ADGRF5: variants seen among roughly 807,000 people sequenced by gnomAD.
The protein encoded by ADGRF5 is adhesion G protein-coupled receptor F5.
A neutral mutation model predicts 132.3 loss-of-function variants in ADGRF5; 75 were observed. The ratio of observed to expected loss-of-function variants is 0.57; its 90% CI spans 0.47 to 0.69. The LOEUF (loss-of-function observed/expected upper bound fraction) is 0.69. ADGRF5 is among the 30% of genes least tolerant of loss of function. The pLI is 0.00. For missense variants in ADGRF5, 1,516 were observed against 1,630.6 expected (o/e 0.93, Z 1.21); for synonymous variants, 629 against 597.6 (o/e 1.05, Z -0.77).
At chr6:46,862,575 TAAGA>T (rs1769887656) in intron 15 of ADGRF5, among the ~76,000 whole-genome samples, 2 of 151,620 alleles carry the variant, frequency 1.3e-5, no homozygotes, top group Admixed American at 1.3e-4. Flanking sequence ...AGGAGAGCAA[TAAGA>T]GAGAGGATAA....
At chr6:46,874,452 T>A (rs995366965) in intron 10 of ADGRF5, among the ~76,000 whole-genome samples, 5 of 152,124 alleles carry the variant, frequency 3.3e-5, no homozygotes, top group Admixed American at 2.6e-4. Context: ...ACAGAAATAA[T>A]GATAGTGTGC....
rs536538037 is a variant in ADGRF5, at chr6:46,913,787, G to A, written c.-24-7001C>T. Among the ~76,000 whole-genome samples the A allele has an allele frequency of 2.6e-5, 4 of 152,296 alleles. No individual in the cohort carries two copies. In the East Asian group the frequency reaches 5.8e-4, roughly 22 times the overall value. ...CACATGTAAGCTGCTTAGCTTTCAC[G>A]TCCACGCAGTAGGTGATGTTATACG... On this transcript the variant is annotated intron_variant, in intron 1 of 20. Transcript: ENST00000283296.
intron 1 of ADGRF5, among the ~76,000 whole-genome samples, chr6:46,931,669 G>T (rs191790087): frequency 3.6e-4 from 55 of 152,242 alleles, no homozygotes; most frequent in Non-Finnish European, 6.8e-4. Context: ...TTTCTCCCAG[G>T]GTGACCTCAT....
chr6:46,878,050 G>A (rs1008805283), intron 10 of ADGRF5, 152 bp downstream of exon 10: 11 of 632,176 alleles, frequency 1.7e-5, no homozygotes, highest in Admixed American at 2.8e-5. Flanking sequence ...TGGCTAAGCT[G>A]GAGCTGGCAT....
intron 2 of ADGRF5, among the ~76,000 whole-genome samples, chr6:46,900,555 A>G (rs1157416590): frequency 2.6e-5 from 4 of 151,780 alleles, no homozygotes; most frequent in Non-Finnish European, 4.4e-5. Flanking sequence ...CTTAGAAATT[A>G]TTTTTTCTAC....
intron 1 of ADGRF5, chr6:46,907,954 A>C (rs1220099195): frequency 1.3e-5 from 2 of 152,214 alleles, no homozygotes; most frequent in South Asian, 4.1e-4. Flanking sequence ...TCGTCAATAG[A>C]ATCCAGAATG....
At chr6:46,871,481 G>A (rs1455915596) in intron 11 of ADGRF5, among the ~76,000 whole-genome samples, 1 of 152,018 alleles carries the variant, frequency 6.6e-6, no homozygotes, top group Non-Finnish European at 1.5e-5. Context: ...GAAGTAATGA[G>A]GGAAAAGGGG....
intron 2 of ADGRF5, among the ~76,000 whole-genome samples, chr6:46,903,172 G>C (rs1451881189): frequency 6.6e-6 from 1 of 152,154 alleles, no homozygotes; most frequent in East Asian, 1.9e-4. Context: ...TCCAGCACTT[G>C]CCTTTCCTCT....
intron 1 of ADGRF5, among the ~76,000 whole-genome samples, chr6:46,920,856 C>A (rs562853374): frequency 6.6e-6 from 1 of 151,788 alleles, no homozygotes; most frequent in Non-Finnish European, 1.5e-5. Flanking sequence ...GAGCAAGACT[C>A]CATCTCAAAA....
intron 2 of ADGRF5, among the ~76,000 whole-genome samples, chr6:46,904,666 C>A (rs1775133382): frequency 6.6e-6 from 1 of 151,982 alleles, no homozygotes; most frequent in South Asian, 2.1e-4. Context: ...AACTGTATGC[C>A]TAAAAATGGT....
chr6:46,862,896 T>C lies in ADGRF5; in HGVS notation c.2191A>G (p.Met731Val). Residue 731 changes from methionine to valine, a missense_variant, in exon 15 of 21, where the codon ATG becomes GTG. Physicochemically the swap from Met to Val is conservative, Grantham distance 21. Around this residue, in one of 2 missense-constraint regions of ADGRF5, gnomAD observed 945 missense variants for 929.4 expected, o/e 1.02. Transcript: ENST00000283296. ...GAAGCTTTAAGGATCACCTTAGCCA[T>C]CTGGAGCAGACTGTTTATTGGGGCA... ...ISAPINSLLQ[M>V]AKALIKSPSQ... 2 of 1,607,560 alleles carry C rather than the reference T, an allele frequency of 1.2e-6. No homozygotes were observed. The highest frequency in any genetic ancestry group is 1.7e-5 in the Admixed American group (1 of 59,936).
chr6:46,857,357 C>T (rs1158328099), intron 17 of ADGRF5, among the ~76,000 whole-genome samples: 5 of 152,184 alleles, frequency 3.3e-5, no homozygotes, highest in Non-Finnish European at 5.9e-5. Context: ...CACAAGCATC[C>T]TGAAAGCAGT....
At position 46,852,859 on chromosome 6, in the gene ADGRF5, AG is replaced by A. The variant is rs776839961; in HGVS notation, c.*1132del. 2 of 152,644 alleles carry A rather than the reference AG, an allele frequency of 1.3e-5. No individual in the cohort carries two copies. Among genetic ancestry groups the A allele is most frequent in the African/African-American group, 2.4e-5 (1 of 41,452 alleles). The allele number at this position is 152,644 out of a possible 1,614,324, so 9.5% of individuals were successfully genotyped here. On this transcript the variant is annotated 3_prime_UTR_variant, in exon 21 of 21. Coordinates refer to ENST00000283296, the MANE Select transcript of ADGRF5 (RefSeq NM_001098518.2). ...TTAAAGATGGAAACAGAGAATACAT[AG>A]GGAGCTATGCAACACACCAAGGGCC...
At chr6:46,880,148 T>C in intron 8 of ADGRF5, 109 bp from the exon 9 acceptor site, 2 of 754,174 alleles carry the variant, frequency 2.7e-6, no homozygotes, top group Non-Finnish European at 4.5e-6. Flanking sequence ...ACAGCATCTG[T>C]GGTGCTGAAC....
intron 2 of ADGRF5, among the ~76,000 whole-genome samples, chr6:46,906,233 G>C (rs1050745163): frequency 1.3e-5 from 2 of 152,156 alleles, no homozygotes; most frequent in African/African-American, 4.8e-5. Context: ...ATGTCTTTTG[G>C]AATGTGTTCT....
chr6:46,905,411 G>C (rs1397859150), intron 2 of ADGRF5: 3 of 151,988 alleles, frequency 2.0e-5, no homozygotes, highest in African/African-American at 7.2e-5. Flanking sequence ...AATGGAAAGA[G>C]GAAGAAAGTA....
Position 46,944,962 on chromosome 6 carries a change from A to C in ADGRF5, c.-25+9772T>G, listed in dbSNP as rs78365149. 2.6e-3 allele frequency among the ~76,000 whole-genome samples: 401 copies of C among 152,306 alleles called. 1 individual carries two copies. The highest frequency in any genetic ancestry group is 9.0e-3 in the African/African-American group (374 of 41,566). The stretch of plus-strand genomic sequence containing the variant: ...TGGCCACCATTGTTCCCCTTCAGAC[A>C]GGTCAGTAAATCAATCTCCATGGCT... On this transcript the variant is annotated intron_variant, in intron 1 of 20. Transcript: ENST00000265417.
intron 1 of ADGRF5, among the ~76,000 whole-genome samples, chr6:46,911,149 GAA>G (rs1158594013): frequency 6.6e-6 from 1 of 152,128 alleles, no homozygotes; most frequent in African/African-American, 2.4e-5. Context: ...GGGTTTTCCT[GAA>G]GTACTCTTCA....
At chr6:46,920,221 C>G (rs1285295802) in intron 1 of ADGRF5, among the ~76,000 whole-genome samples, 1 of 152,140 alleles carries the variant, frequency 6.6e-6, no homozygotes, top group Non-Finnish European at 1.5e-5. Flanking sequence ...ATTGGCAAAT[C>G]TAGAATTTAA....
Sources: gnomAD v4.1 joint callset for allele counts (sites outside exome capture counted in the v4.1 genomes callset) on GRCh38, gnomAD v4.1.1 for gene constraint, gnomAD v4.1.1 regional missense constraint, MANE v1.5 for transcripts, NCBI Gene and HGNC (gene_info 2026-07-23, HGNC 2026-07-21) for gene names.